The following SND1 variants were observed in gnomAD, a reference collection of about 807,000 sequenced individuals.
The protein encoded by SND1 is staphylococcal nuclease domain-containing protein 1.
In SND1, 38 loss-of-function variants were observed where a neutral mutation model predicts 121.7. The observed-to-expected ratio is 0.31, with a 90% CI of 0.24 to 0.41. SND1 has a LOEUF of 0.41. Among genes scored for constraint, SND1 ranks in the 10% least tolerant of loss-of-function variants. The probability of loss-of-function intolerance (pLI) is 1.00; values close to 1 mark genes in which losing one functional copy is unlikely to be tolerated. For synonymous variants in SND1, 401 were observed against 447.4 expected (o/e 0.90, Z 1.31); for missense variants, 868 against 1,184.6 (o/e 0.73, Z 3.92).
intron 10 of SND1, among the ~76,000 whole-genome samples, chr7:127,772,317 T>C (rs938919084): frequency 6.6e-6 from 1 of 152,224 alleles, no homozygotes; most frequent in Non-Finnish European, 1.5e-5. Flanking sequence ...GGGCTTAGTA[T>C]TTCCTCCGTA....
intron 1 of SND1, among the ~76,000 whole-genome samples, chr7:127,671,552 A>G (rs1795518459): frequency 1.3e-5 from 2 of 152,138 alleles, no homozygotes; most frequent in South Asian, 4.1e-4. Flanking sequence ...GCTGGAGTGC[A>G]GTGGCTCTTC....
intron 10 of SND1, among the ~76,000 whole-genome samples, chr7:127,760,983 T>C (rs1290901180): frequency 2.6e-5 from 4 of 152,234 alleles, no homozygotes; most frequent in African/African-American, 7.2e-5. Flanking sequence ...TTAGAGAACA[T>C]TTAAACCGTA....
At chr7:127,905,340 C>A (rs1041206780) in intron 14 of SND1, among the ~76,000 whole-genome samples, 2 of 152,072 alleles carry the variant, frequency 1.3e-5, no homozygotes, top group African/African-American at 4.8e-5. Context: ...TCAATGGCAC[C>A]AATATTTTAG....
intron 12 of SND1, among the ~76,000 whole-genome samples, chr7:127,848,270 C>G (rs1046011368): frequency 2.0e-5 from 3 of 152,228 alleles, no homozygotes; most frequent in African/African-American, 7.2e-5. Flanking sequence ...AATACACACT[C>G]TTTGTGTGCT....
At chr7:127,963,972 A>T (rs1161932890) in intron 15 of SND1, among the ~76,000 whole-genome samples, 4 of 150,568 alleles carry the variant, frequency 2.7e-5, no homozygotes, top group African/African-American at 4.9e-5. Flanking sequence ...GATATCTCAT[A>T]GTGGTTTTGA....
chr7:127,990,395 C>T (rs543797389), intron 15 of SND1, among the ~76,000 whole-genome samples: 2 of 152,050 alleles, frequency 1.3e-5, no homozygotes, highest in East Asian at 1.9e-4. Context: ...AATGAAAAGC[C>T]GATGATACTA....
At chr7:127,653,648 A>C (rs1168995930) in intron 1 of SND1, among the ~76,000 whole-genome samples, 1 of 152,180 alleles carries the variant, frequency 6.6e-6, no homozygotes, top group Non-Finnish European at 1.5e-5. Flanking sequence ...GTTTAAAAAA[A>C]ATTCTATTTT....
At chr7:127,787,828 C>A (rs1332582528) in intron 10 of SND1, among the ~76,000 whole-genome samples, 1 of 152,130 alleles carries the variant, frequency 6.6e-6, no homozygotes, top group Non-Finnish European at 1.5e-5. Flanking sequence ...GTTTTCAAGT[C>A]ATGCCAGTGT....
chr7:128,068,829 G>A (rs762838580), intron 16 of SND1, among the ~76,000 whole-genome samples: 1 of 152,222 alleles, frequency 6.6e-6, no homozygotes, highest in Non-Finnish European at 1.5e-5. Context: ...TAGGAGACAT[G>A]GAAATTAACA....
rs549095560 is a variant in SND1 at position 127,844,226 on chromosome 7, G to T, written c.1243-98G>T. The T allele has an allele frequency of 2.7e-4, 214 of 796,604 alleles. 3 individuals are homozygous for T. In the South Asian group the frequency reaches 4.7e-3, roughly 18 times the overall value. 49.3% of individuals were successfully genotyped at this position (796,604 alleles called of 1,614,324 possible). A position where few individuals can be genotyped will look rare whatever the true frequency, so the allele number is the denominator to read the frequency against. On this transcript the variant is annotated intron_variant, in intron 11 of 23. Transcript: ENST00000354725. ...ATCTTAGATTCAGAAAACCAAACTG[G>T]AGTGAGCTGATCTTTCACAGTTGAG...
At chr7:128,012,423 C>T (rs201333594) in intron 16 of SND1, among the ~76,000 whole-genome samples, 2 of 152,184 alleles carry the variant, frequency 1.3e-5, no homozygotes, top group East Asian at 3.8e-4. Flanking sequence ...TGGAAGACAG[C>T]TGCAGCTGCA....
chr7:127,887,360 T>A (rs1799930586), intron 12 of SND1, among the ~76,000 whole-genome samples: 1 of 152,078 alleles, frequency 6.6e-6, no homozygotes, highest in Non-Finnish European at 1.5e-5. Flanking sequence ...TAGTCTTATC[T>A]TTTCCAAGCC....
At chr7:127,815,590 G>A (rs1798424019) in intron 11 of SND1, among the ~76,000 whole-genome samples, 1 of 152,060 alleles carries the variant, frequency 6.6e-6, no homozygotes, top group South Asian at 2.1e-4. Context: ...GACAGTGGAG[G>A]TAGAAATTGG....
At chr7:127,750,387 CTT>C (rs1283313682) in intron 10 of SND1, among the ~76,000 whole-genome samples, 1 of 152,174 alleles carries the variant, frequency 6.6e-6, no homozygotes, top group African/African-American at 2.4e-5. Context: ...TCCACAGTCT[CTT>C]TTCACAAATC....
At chr7:127,926,288 G>C (rs1445791840) in intron 14 of SND1, among the ~76,000 whole-genome samples, 1 of 152,094 alleles carries the variant, frequency 6.6e-6, no homozygotes, top group Non-Finnish European at 1.5e-5. Context: ...ACTGAGATTT[G>C]AAAGTGCCGA....
chr7:128,016,078 A>G (rs937115799), intron 16 of SND1, among the ~76,000 whole-genome samples: 2 of 151,916 alleles, frequency 1.3e-5, no homozygotes, highest in African/African-American at 2.4e-5. Flanking sequence ...CATTATTTTA[A>G]GGCTTTTTCT....
intron 15 of SND1, among the ~76,000 whole-genome samples, chr7:127,941,688 G>A (rs780137131): frequency 6.6e-5 from 10 of 152,122 alleles, no homozygotes; most frequent in Non-Finnish European, 1.3e-4. Flanking sequence ...ATACCAGTTC[G>A]CTCATTAGCA....
chr7:127,666,265 C>T (rs1795416768), intron 1 of SND1, among the ~76,000 whole-genome samples: 1 of 152,208 alleles, frequency 6.6e-6, no homozygotes, highest in African/African-American at 2.4e-5. Context: ...TGTGGGGCTG[C>T]TAGCCCGGAC....
chr7:127,742,047 T>C (rs2116436426), intron 10 of SND1, among the ~76,000 whole-genome samples: 1 of 152,320 alleles, frequency 6.6e-6, no homozygotes, highest in Non-Finnish European at 1.5e-5. Context: ...AAGGTAAGTC[T>C]TGCAGGGACT....
Sources: allele counts gnomAD v4.1 joint callset (sites outside exome capture counted in the v4.1 genomes callset), GRCh38; gene constraint gnomAD v4.1.1; transcripts MANE v1.5; gene names NCBI Gene and HGNC (gene_info 2026-07-23, HGNC 2026-07-21).